Variants in CCDC7 observed in about 807,000 individuals in gnomAD.
The protein encoded by CCDC7 is coiled-coil domain-containing protein 7.
A neutral mutation model predicts 196.9 loss-of-function variants in CCDC7; 183 were observed. The ratio of observed to expected loss-of-function variants is 0.93; its 90% confidence interval spans 0.82 to 1.05. CCDC7 has a LOEUF of 1.05. Among genes scored for constraint, CCDC7 ranks in the 50% least tolerant of loss-of-function variants. The probability of loss-of-function intolerance (pLI) is 0.00; values close to 1 mark genes in which losing one functional copy is unlikely to be tolerated. For synonymous variants in CCDC7, 525 were observed against 484.6 expected, an observed-to-expected ratio of 1.08 and a Z score of -1.10; for missense variants, 1,540 against 1,482.2, an observed-to-expected ratio of 1.04 and a Z score of -0.64.
chr10:32,666,383 TG>T (rs1489473396), intron 21 of CCDC7, among the ~76,000 whole-genome samples: 2 of 152,112 alleles, frequency 1.3e-5, no homozygotes, highest in East Asian at 1.9e-4. Context: ...GTATTTCTTT[TG>T]TTTTTTTTAT....
rs1178695030 is a variant in CCDC7, at chr10:32,537,908, G to A, written c.994-5392G>A. Reference sequence around the variant, plus strand: ...TTGGTTACTGTAGCCCTTTAGTATAGTTTTAAGTTGGGTATGTGATGCCTC... The same window carrying A: ...TTGGTTACTGTAGCCCTTTAGTATAATTTTAAGTTGGGTATGTGATGCCTC... On this transcript the variant is annotated intron_variant, in intron 11 of 41. Transcript: ENST00000639629. 2.6e-5 allele frequency among the ~76,000 whole-genome samples: 4 copies of A among 152,282 alleles called. No individual in the cohort carries two copies. In the South Asian group the frequency reaches 8.3e-4, roughly 32 times the overall value.
At chr10:32,719,467 A>G (rs976806271) in intron 25 of CCDC7, among the ~76,000 whole-genome samples, 1 of 152,230 alleles carries the variant, frequency 6.6e-6, no homozygotes, top group African/African-American at 2.4e-5. Context: ...AGGCAAGGGC[A>G]AAGACTTCAT....
intron 20 of CCDC7, among the ~76,000 whole-genome samples, chr10:32,647,839 C>T (rs1051418952): frequency 1.3e-5 from 2 of 152,168 alleles, no homozygotes; most frequent in Non-Finnish European, 2.9e-5. Flanking sequence ...TAATTAAATC[C>T]TACTTGTCTA....
intron 9 of CCDC7, among the ~76,000 whole-genome samples, chr10:32,508,499 A>G (rs952534943): frequency 6.6e-6 from 1 of 152,258 alleles, no homozygotes; most frequent in African/African-American, 2.4e-5. Context: ...TGTGAATCCT[A>G]TGAAAATACC....
rs143432018 is a variant in CCDC7, at chr10:32,728,961, A to G, written c.2743A>G (p.Lys915Glu). 29 of 1,606,732 alleles carry G rather than the reference A, an allele frequency of 1.8e-5. No homozygotes were observed. In the African/African-American group the frequency reaches 3.9e-4, roughly 22 times the overall value. The change falls in exon 27 of 42, where the codon AAG becomes GAG. Residue 915 changes from lysine (K) to glutamate (E), a missense_variant. Physicochemically the swap from Lys to Glu is moderately conservative, Grantham distance 56 (BLOSUM62 1). Coordinates refer to ENST00000639629, the Ensembl canonical transcript of CCDC7. ...AAAGTCAAAACTCCAAATGCAAGAA[A>G]AGAAACAAATAAATTCTGGAGTGGA... is the stretch of plus-strand genomic sequence containing the variant.
In CCDC7 at chr10:32,567,673, G is replaced by A. The variant is rs371691364; in HGVS notation, c.1201G>A (p.Ala401Thr). 57 of 1,604,870 alleles carry A rather than the reference G, an allele frequency of 3.6e-5. No homozygotes were observed. The African/African-American group carries it at 5.9e-4, about 17-fold the overall frequency. Residue 401 changes from alanine to threonine, a missense_variant, in exon 15 of 42, where the codon GCT becomes ACT. By Grantham distance (58) the Ala-to-Thr change is moderately conservative. Transcript: ENST00000639629. ...ACTGGTACTTTTTTAAAAACAGGAA[G>A]CTGAAAAAGCTAAGCATCAACTTAA...
chr10:32,563,051 T>A (rs1311291789), intron 13 of CCDC7, among the ~76,000 whole-genome samples: 1 of 152,132 alleles, frequency 6.6e-6, no homozygotes, highest in Non-Finnish European at 1.5e-5. Flanking sequence ...CATTCACAAT[T>A]GCTTCAAAGA....
At chr10:32,671,391 A>T (rs1350480918) in intron 21 of CCDC7, among the ~76,000 whole-genome samples, 1 of 152,200 alleles carries the variant, frequency 6.6e-6, no homozygotes, top group Non-Finnish European at 1.5e-5. Flanking sequence ...GCATAGGAGC[A>T]GTAGACTATA....
chr10:32,451,560 G>A, upstream of CCDC7: 8 of 1,495,564 alleles, frequency 5.3e-6, no homozygotes, highest in Non-Finnish European at 7.1e-6. Context: ...AGAGCCTGGT[G>A]TTTTCTCTGA....
chr10:32,838,610 T>C (rs1277966642), intron 33 of CCDC7, among the ~76,000 whole-genome samples: 1 of 151,858 alleles, frequency 6.6e-6, no homozygotes, highest in African/African-American at 2.4e-5. Context: ...GATATAGACA[T>C]CCAAACACAA....
chr10:32,609,435 C>T (rs1364081554), intron 18 of CCDC7, among the ~76,000 whole-genome samples: 1 of 151,622 alleles, frequency 6.6e-6, no homozygotes, highest in African/African-American at 2.4e-5. Flanking sequence ...TTCTTGCTTG[C>T]TTTTGGTTTT....
exon 41 of CCDC7, chr10:32,854,411 G>A: frequency 6.2e-7 from 1 of 1,601,088 alleles, no homozygotes; most frequent in African/African-American, 1.3e-5. Flanking sequence ...GCATTCGAAA[G>A]TTGTTACCTT....
chr10:32,445,985 G>C (rs1465089266), upstream of CCDC7, among the ~76,000 whole-genome samples: 1 of 152,212 alleles, frequency 6.6e-6, no homozygotes, highest in Non-Finnish European at 1.5e-5. Flanking sequence ...GGAGGAGGCC[G>C]ATGTGCCCAT....
intron 24 of CCDC7, among the ~76,000 whole-genome samples, chr10:32,702,270 G>C (rs934868018): frequency 3.3e-5 from 5 of 151,904 alleles, no homozygotes; most frequent in Non-Finnish European, 5.9e-5. Context: ...CCTTCATTTC[G>C]TTGTGTACCT....
chr10:32,632,650 C>T (rs2065037885), intron 18 of CCDC7, among the ~76,000 whole-genome samples: 1 of 152,006 alleles, frequency 6.6e-6, no homozygotes, highest in Non-Finnish European at 1.5e-5. Flanking sequence ...TGTTTTTCTT[C>T]ACCTCAACCT....
chr10:32,669,607 G>C (rs148334593), intron 21 of CCDC7, among the ~76,000 whole-genome samples: 2 of 151,976 alleles, frequency 1.3e-5, no homozygotes, highest in East Asian at 3.9e-4. Context: ...ATTTAGTCAT[G>C]GTAGGTTGCA....
chr10:32,661,936 G>A (rs1342088581), intron 20 of CCDC7, among the ~76,000 whole-genome samples: 1 of 152,080 alleles, frequency 6.6e-6, no homozygotes, highest in African/African-American at 2.4e-5. Flanking sequence ...TCAGCACTAG[G>A]ACTTGCCTAG....
chr10:32,768,624 T>C (rs1168966400), intron 28 of CCDC7, among the ~76,000 whole-genome samples: 1 of 152,070 alleles, frequency 6.6e-6, no homozygotes, highest in African/African-American at 2.4e-5. Flanking sequence ...TTAACTTTTG[T>C]GTGTTTAGTA....
At chr10:32,680,481 G>T (rs960824321) in intron 21 of CCDC7, among the ~76,000 whole-genome samples, 1 of 151,724 alleles carries the variant, frequency 6.6e-6, no homozygotes. Flanking sequence ...TGCACAACAT[G>T]CAAGTTTGTT....
Sources: gnomAD v4.1 joint callset for allele counts (sites outside exome capture counted in the v4.1 genomes callset) on GRCh38, gnomAD v4.1.1 for gene constraint, MANE v1.5 for transcripts, NCBI Gene and HGNC (gene_info 2026-07-23, HGNC 2026-07-21) for gene names.